U2SURP: variants seen among roughly 807,000 people sequenced by gnomAD.
The protein encoded by U2SURP is U2 snRNP associated SURP domain containing.
Under a neutral mutation model 144.9 loss-of-function variants are expected in U2SURP, and 9 were observed. The observed-to-expected ratio is 0.06, with a 90% CI of 0.04 to 0.11. The LOEUF (loss-of-function observed/expected upper bound fraction) is 0.11. Ranked by LOEUF, U2SURP falls within the 10% of genes least tolerant of loss-of-function variation. The pLI, the probability that U2SURP is intolerant of heterozygous loss-of-function variation, is 1.00. For synonymous variants in U2SURP, 408 were observed against 396.8 expected (o/e 1.03, Z -0.33); for missense variants, 724 against 1,226.7 (o/e 0.59, Z 6.12).
intron 24 of U2SURP, among the ~76,000 whole-genome samples, chr3:143,045,200 C>G (rs966306996): frequency 1.3e-5 from 2 of 151,866 alleles, no homozygotes; most frequent in South Asian, 2.1e-4. Flanking sequence ...GAAACCCGGT[C>G]TCTACTAAAA....
chr3:143,016,417 A>G, intron 5 of U2SURP, 46 bp downstream of exon 5: 1 of 1,526,300 alleles, frequency 6.6e-7, no homozygotes, highest in Non-Finnish European at 9.0e-7. Context: ...ACTGTATTAC[A>G]GTTTTTGAGC....
At chr3:143,013,558 G>T (rs1936216055) in intron 3 of U2SURP, among the ~76,000 whole-genome samples, 1 of 151,922 alleles carries the variant, frequency 6.6e-6, no homozygotes, top group Non-Finnish European at 1.5e-5. Flanking sequence ...AGTATTTTAG[G>T]TTGTATTTAA....
At chr3:143,010,891 C>A in intron 2 of U2SURP, 32 bp downstream of exon 2, 1 of 1,571,512 alleles carries the variant, frequency 6.4e-7, no homozygotes, top group South Asian at 1.2e-5. Flanking sequence ...TGTCTTTTTT[C>A]CTTTAAAATT....
At position 143,053,686 on chromosome 3, in the gene U2SURP, A is replaced by G; in HGVS notation, c.2666A>G (p.Lys889Arg). 6.9e-7 allele frequency: 1 copy of G among 1,445,996 alleles called. No homozygotes were observed. Among genetic ancestry groups the G allele is most frequent in the Non-Finnish European group, 9.5e-7 (1 of 1,052,198 alleles). The allele number at this position is 1,445,996 out of a possible 1,614,324, so 89.6% of individuals were successfully genotyped here. A position where few individuals can be genotyped will look rare whatever the true frequency, so the allele number is the denominator to read the frequency against. ...RDKLLQREKE[K>R]ELERERERDK... Reference sequence around the variant, plus strand: ...TATAAAAAATAACAGGAGAAAGAGAAAGAGTTAGAAAGAGAACGAGAAAGA... The same window carrying G: ...TATAAAAAATAACAGGAGAAAGAGAGAGAGTTAGAAAGAGAACGAGAAAGA... The change falls in exon 26 of 28, where the codon AAA becomes AGA. Residue 889 changes from lysine to arginine, a missense_variant. Physicochemically the swap from Lys to Arg is conservative, Grantham distance 26 (BLOSUM62 2). This residue lies in a region of U2SURP where 129 missense variants were observed against 196.1 expected (regional missense o/e 0.66). Transcript: ENST00000473835.
chr3:143,042,985 G>A, intron 23 of U2SURP, 132 bp from the exon 24 acceptor site: 2 of 822,456 alleles, frequency 2.4e-6, no homozygotes. Context: ...TATGCTTGAG[G>A]TATGAATTGT....
At chr3:143,012,663 G>A (rs942887943) in intron 3 of U2SURP, among the ~76,000 whole-genome samples, 3 of 152,210 alleles carry the variant, frequency 2.0e-5, no homozygotes, top group Admixed American at 6.5e-5. Context: ...AACCAAGTGC[G>A]AAATACCAGT....
At chr3:143,044,311 CGG>C (rs1344091545) in intron 24 of U2SURP, among the ~76,000 whole-genome samples, 2 of 18,916 alleles carry the variant, frequency 1.1e-4, no homozygotes, top group African/African-American at 4.6e-4. Context: ...TTTTTTGAGA[CGG>C]GGTTTCTTTC....
At position 143,034,929 on chromosome 3, in the gene U2SURP, C is replaced by T; in HGVS notation, c.1895C>T (p.Ala632Val). The T allele has an allele frequency of 6.3e-7, 1 of 1,599,512 alleles. No homozygotes were observed. The highest frequency in any genetic ancestry group is 8.5e-7 in the Non-Finnish European group (1 of 1,172,134). ...TGTCAGATATTTTCAGACCTCAATG[C>T]CACCTATCGTACAATTCAAGGCCAT... ...KLCQIFSDLN[A>V]TYRTIQGHLQ... Residue 632 changes from alanine to valine, a missense_variant, in exon 19 of 28, where the codon GCC (alanine) becomes GTC (valine). Physicochemically the swap from Ala to Val is moderately conservative, Grantham distance 64. Around this residue, in one of 13 missense-constraint regions of U2SURP, gnomAD observed 116 missense variants for 167.9 expected, o/e 0.69. Coordinates refer to ENST00000473835, the MANE Select transcript of U2SURP (RefSeq NM_001080415.2).
intron 23 of U2SURP, among the ~76,000 whole-genome samples, chr3:143,040,829 G>A (rs374342496): frequency 9.9e-5 from 15 of 151,830 alleles, no homozygotes; most frequent in African/African-American, 3.6e-4. Context: ...TAAGTAATAT[G>A]GTTAAATGTT....
At chr3:143,034,779 T>C (rs557211435) in intron 18 of U2SURP, 109 bp from the exon 19 acceptor site, 13 of 661,166 alleles carry the variant, frequency 2.0e-5, no homozygotes, top group Middle Eastern at 7.3e-4. Flanking sequence ...TAATAATTTC[T>C]TGATTTGTAA....
At position 143,056,465 on chromosome 3, in the gene U2SURP, A is replaced by T. The variant is rs1161881663; in HGVS notation, c.*15A>T. On this transcript the variant is annotated 3_prime_UTR_variant, in exon 28 of 28. Coordinates refer to ENST00000473835, the MANE Select transcript of U2SURP (RefSeq NM_001080415.2). The stretch of plus-strand genomic sequence containing the variant: ...ACAAACACTGACGTAAATTTTTAAG[A>T]TGCTGTCACTTATTGGAAATGCGAT... 1 of 1,610,072 alleles carries T rather than the reference A, an allele frequency of 6.2e-7. No individual in the cohort carries two copies. The highest frequency in any genetic ancestry group is 2.2e-5 in the East Asian group (1 of 44,832).
At chr3:143,008,284 A>G (rs1173627619) in intron 1 of U2SURP, among the ~76,000 whole-genome samples, 3 of 152,336 alleles carry the variant, frequency 2.0e-5, no homozygotes, top group Admixed American at 6.5e-5. Context: ...AGAGTTAACT[A>G]TATGGAAATA....
intron 25 of U2SURP, among the ~76,000 whole-genome samples, chr3:143,052,902 C>G (rs935537116): frequency 2.0e-5 from 3 of 148,462 alleles, no homozygotes; most frequent in Non-Finnish European, 4.4e-5. Context: ...ATCAGAATTT[C>G]AAATGAGAAG....
At position 143,016,957 on chromosome 3, in the gene U2SURP, G is replaced by A; in HGVS notation, c.552G>A (p.Val184=). The change falls in exon 6 of 28, where the codon GTG becomes GTA. Residue 184 remains valine, a synonymous_variant. Coordinates refer to ENST00000473835, the MANE Select transcript of U2SURP (RefSeq NM_001080415.2). ...ATGAAAGACCACCATCTCTTCTTGT[G>A]ATAGAAACCAAAAAACCTGTAAGTC... The part of the protein sequence containing the change: ...SSNERPPSLL[V]IETKKPPLKK... The A allele has an allele frequency of 6.3e-7, 1 of 1,579,546 alleles. No homozygotes were observed. Among genetic ancestry groups the A allele is most frequent in the South Asian group, 1.2e-5 (1 of 84,584 alleles).
chr3:143,037,731 A>G (rs1933888677), intron 21 of U2SURP, among the ~76,000 whole-genome samples: 1 of 152,108 alleles, frequency 6.6e-6, no homozygotes, highest in Non-Finnish European at 1.5e-5. Context: ...CTAGCTGCCT[A>G]AAATCATTTT....
At chr3:143,053,861 T>C (rs1392998524) in intron 26 of U2SURP, 67 bp downstream of exon 26, 5 of 1,292,896 alleles carry the variant, frequency 3.9e-6, no homozygotes, top group Non-Finnish European at 4.1e-6. Context: ...TTTATAATAC[T>C]TTCATCATTG....
intron 24 of U2SURP, 122 bp from the exon 25 acceptor site, chr3:143,050,816 AG>A: frequency 3.3e-6 from 2 of 602,170 alleles, no homozygotes; most frequent in Non-Finnish European, 5.8e-6. Flanking sequence ...AGTGGCCTTC[AG>A]GTGAGGTTAT....
chr3:143,033,199 T>A, intron 17 of U2SURP, 72 bp from the exon 18 acceptor site: 1 of 958,456 alleles, frequency 1.0e-6, no homozygotes, highest in South Asian at 1.5e-5. Flanking sequence ...TTCTAATTAG[T>A]AGCCATAATT....
intron 24 of U2SURP, among the ~76,000 whole-genome samples, chr3:143,047,415 C>T (rs1489776639): frequency 9.5e-5 from 2 of 21,102 alleles, no homozygotes; most frequent in Non-Finnish European, 1.8e-4. Context: ...GCGCCCCTCA[C>T]CTCCCGGACT....
Sources: gnomAD v4.1 joint callset for allele counts (sites outside exome capture counted in the v4.1 genomes callset) on GRCh38, gnomAD v4.1.1 for gene constraint, gnomAD v4.1.1 regional missense constraint, MANE v1.5 for transcripts, NCBI Gene and HGNC (gene_info 2026-07-23, HGNC 2026-07-21) for gene names.